Variants in KTN1 observed in about 807,000 individuals in gnomAD.
KTN1 encodes the protein kinectin 1, also known as kinectin.
KTN1 carries 130 observed loss-of-function variants against 222.5 expected under a neutral mutation model. The ratio of observed to expected loss-of-function variants is 0.58; its 90% confidence interval spans 0.51 to 0.68. The LOEUF is 0.68. Among genes scored for constraint, KTN1 ranks in the 30% least tolerant of loss-of-function variants. The probability of loss-of-function intolerance (pLI) is 0.00; values close to 1 mark genes in which losing one functional copy is unlikely to be tolerated. For synonymous variants in KTN1, 512 were observed against 496.3 expected (o/e 1.03, Z -0.42); for missense variants, 1,508 against 1,500.4 (o/e 1.01, Z -0.08).
At chr14:55,640,763 TAAA>T (rs935684896) in intron 15 of KTN1, among the ~76,000 whole-genome samples, 167 bp from the exon 16 acceptor site, 1 of 151,872 alleles carries the variant, frequency 6.6e-6, no homozygotes, top group Non-Finnish European at 1.5e-5. Context: ...TAGTCTAGAA[TAAA>T]AGAAGTAAAA....
At chr14:55,634,691 T>C (rs985080136) in intron 9 of KTN1, 33 bp downstream of exon 9, 1 of 1,588,358 alleles carries the variant, frequency 6.3e-7, no homozygotes, top group Non-Finnish European at 8.6e-7. Flanking sequence ...TGTCATTTCA[T>C]GAATAATATA....
intron 1 of KTN1, among the ~76,000 whole-genome samples, chr14:55,584,492 T>C (rs536423102): frequency 1.0e-3 from 153 of 152,360 alleles, no homozygotes; most frequent in Non-Finnish European, 1.0e-3. Flanking sequence ...AGCTGTTTTT[T>C]ACACTGGCTG....
intron 27 of KTN1, 150 bp downstream of exon 27, chr14:55,653,235 G>T: frequency 1.5e-6 from 1 of 662,016 alleles, no homozygotes; most frequent in Non-Finnish European, 2.6e-6. Context: ...AAATAAGTTA[G>T]CTTTTATTTC....
chr14:55,580,608 C>G (rs990202558), intron 1 of KTN1, among the ~76,000 whole-genome samples: 1 of 151,748 alleles, frequency 6.6e-6, no homozygotes, highest in Non-Finnish European at 1.5e-5. Flanking sequence ...GCTCTGGGCC[C>G]GACCCCGGCT....
At chr14:55,637,488 C>CT in intron 11 of KTN1, 124 bp downstream of exon 11, 1 of 784,566 alleles carries the variant, frequency 1.3e-6, no homozygotes, top group East Asian at 2.8e-5. Flanking sequence ...ATAATTATAA[C>CT]TTTGTCTTTT....
At chr14:55,613,167 C>G (rs2037841628) in intron 2 of KTN1, among the ~76,000 whole-genome samples, 1 of 152,184 alleles carries the variant, frequency 6.6e-6, no homozygotes, top group Non-Finnish European at 1.5e-5. Context: ...TAGTCGTGTG[C>G]TAGCTGTAGA....
Position 55,641,212 on chromosome 14 carries a change from T to G in KTN1, c.2103+4T>G. 1 of 1,558,726 alleles carries G rather than the reference T, an allele frequency of 6.4e-7. No homozygotes were observed. Reference sequence around the variant, plus strand: ...AAACAAAATGGAAGAATTTAAGGTGTGTGATTAAGCTTGTACACTCAGGTT... The same window carrying G: ...AAACAAAATGGAAGAATTTAAGGTGGGTGATTAAGCTTGTACACTCAGGTT... On this transcript the variant is annotated splice_donor_region_variant and intron_variant, in intron 17 of 43. Coordinates refer to ENST00000395314, the MANE Select transcript of KTN1 (RefSeq NM_001079521.2).
chr14:55,651,041 T>C (rs2042890578), intron 24 of KTN1, among the ~76,000 whole-genome samples: 1 of 152,188 alleles, frequency 6.6e-6, no homozygotes, highest in Non-Finnish European at 1.5e-5. Flanking sequence ...ATTTCAGACA[T>C]AGATGTGATT....
intron 25 of KTN1, 94 bp from the exon 26 acceptor site, chr14:55,652,747 TCTGTGAGTA>T: frequency 1.4e-6 from 1 of 708,380 alleles, no homozygotes; most frequent in South Asian, 1.9e-5. Context: ...AATCAGCTGG[TCTGTGAGTA>T]CTACCCAAAA....
chr14:55,619,032 T>G, intron 4 of KTN1, 150 bp from the exon 5 acceptor site: 1 of 591,930 alleles, frequency 1.7e-6, no homozygotes, highest in Non-Finnish European at 2.9e-6. Flanking sequence ...TTGACTGGAG[T>G]ATTTGTTTTA....
At chr14:55,611,123 G>T (rs976849274) in intron 1 of KTN1, among the ~76,000 whole-genome samples, 1 of 152,088 alleles carries the variant, frequency 6.6e-6, no homozygotes, top group Non-Finnish European at 1.5e-5. Flanking sequence ...GACTTGCTCT[G>T]TTGCCCAGGC....
intron 12 of KTN1, among the ~76,000 whole-genome samples, chr14:55,638,950 A>T (rs1481763806): frequency 6.6e-6 from 1 of 151,896 alleles, no homozygotes; most frequent in Non-Finnish European, 1.5e-5. Context: ...AGGCCTGTCA[A>T]CTTGTTTTAT....
chr14:55,635,331 G>C (rs1347147563), intron 9 of KTN1, among the ~76,000 whole-genome samples: 7 of 152,136 alleles, frequency 4.6e-5, no homozygotes, highest in African/African-American at 1.7e-4. Flanking sequence ...CTACAGTATA[G>C]GGCAGAAATC....
At chr14:55,608,396 C>T (rs1406262098) in intron 1 of KTN1, among the ~76,000 whole-genome samples, 2 of 152,132 alleles carry the variant, frequency 1.3e-5, no homozygotes, top group African/African-American at 4.8e-5. Flanking sequence ...GCAAATGAGA[C>T]TGTCCCCATG....
intron 1 of KTN1, among the ~76,000 whole-genome samples, chr14:55,610,860 C>A (rs1422986292): frequency 1.3e-5 from 2 of 152,218 alleles, no homozygotes; most frequent in African/African-American, 4.8e-5. Context: ...ATATTCAAGG[C>A]AGATGTTGGT....
At chr14:55,680,844 A>C in intron 43 of KTN1, 1 of 542,090 alleles carries the variant, frequency 1.8e-6, no homozygotes, top group Non-Finnish European at 3.3e-6. Flanking sequence ...TATCCTTGGT[A>C]AGCTGACTTC....
At position 55,647,735 on chromosome 14, in the gene KTN1, G is replaced by A. The variant is rs78216364; in HGVS notation, c.2208-290G>A. ...CAAGGCGGGTGGATCATGAGGTCAG[G>A]AGATCGAGACCATCCTGGCTAACAT... On this transcript the variant is annotated intron_variant, in intron 19 of 43. Transcript: ENST00000395314. Among the ~76,000 whole-genome samples, 534 of 150,968 alleles carry A rather than the reference G, an allele frequency of 3.5e-3. 13 individuals are homozygous for A. Among genetic ancestry groups the A allele is most frequent in the Admixed American group, 0.027 (401 of 15,128 alleles).
chr14:55,682,248 T>C (rs2046437630), intron 43 of KTN1: 1 of 152,070 alleles, frequency 6.6e-6, no homozygotes, highest in Admixed American at 6.6e-5. Flanking sequence ...CTTTTGGAAA[T>C]TTTTTTCCCC....
intron 5 of KTN1, 141 bp from the exon 6 acceptor site, chr14:55,627,771 A>G (rs2040022850): frequency 4.0e-6 from 2 of 504,834 alleles, no homozygotes; most frequent in South Asian, 4.3e-5. Flanking sequence ...AGCTTCATCC[A>G]CGTCCCTGCA....
Sources: allele counts gnomAD v4.1 joint callset (sites outside exome capture counted in the v4.1 genomes callset), GRCh38; gene constraint gnomAD v4.1.1; transcripts MANE v1.5; gene names NCBI Gene and HGNC (gene_info 2026-07-23, HGNC 2026-07-21).